The following ZNF674 variants were observed in gnomAD, a reference collection of about 807,000 sequenced individuals.
ZNF674 encodes the protein zinc finger family member 674.
Under a neutral mutation model 7.0 loss-of-function variants are expected in ZNF674, and 2 were observed. The observed-to-expected ratio is 0.29, with a 90% CI of 0.12 to 0.90. The LOEUF is 0.90. Among genes scored for constraint, ZNF674 ranks in the 40% least tolerant of loss-of-function variants. The probability of loss-of-function intolerance (pLI) is 0.57; values close to 1 mark genes in which losing one functional copy is unlikely to be tolerated. For missense variants in ZNF674, 297 were observed against 415.5 expected (o/e 0.71, Z 2.48); for synonymous variants, 103 against 145.2 (o/e 0.71, Z 2.09).
intron 3 of ZNF674, among the ~76,000 whole-genome samples, chrX:46,536,192 G>A (rs1942195124): frequency 8.9e-6 from 1 of 111,766 alleles, no homozygotes; most frequent in South Asian, 3.7e-4. Flanking sequence ...TGGCACAGTG[G>A]CTCACACCTG....
intron 5 of ZNF674, among the ~76,000 whole-genome samples, chrX:46,512,688 C>T (rs1310234039): frequency 2.8e-5 from 3 of 106,873 alleles, no homozygotes; most frequent in South Asian, 4.1e-4. Flanking sequence ...CACTTGAACC[C>T]GGGAGGCAGA....
chrX:46,520,945 G>C (rs897107813), intron 5 of ZNF674, among the ~76,000 whole-genome samples: 2 of 111,522 alleles, frequency 1.8e-5, no homozygotes, highest in African/African-American at 6.5e-5. Context: ...CCAGCACTTT[G>C]GGAGGCCGAG....
chrX:46,506,759 C>T (rs983066018), intron 5 of ZNF674, among the ~76,000 whole-genome samples: 4 of 111,468 alleles, frequency 3.6e-5, no homozygotes, highest in Admixed American at 1.9e-4. Context: ...TCCTTTCTTA[C>T]GAAAGTACTT....
chrX:46,529,854 C>T (rs1942079108), intron 3 of ZNF674, among the ~76,000 whole-genome samples: 1 of 111,303 alleles, frequency 9.0e-6, no homozygotes, highest in African/African-American at 3.3e-5. Flanking sequence ...CTGCTTAGCG[C>T]TGACAGAGCA....
In ZNF674 at chrX:46,497,879, C is replaced by G. The variant is rs1941353179; in HGVS notation, c.*1964G>C. ...TTCCCTCCACACTACACAGATATAC[C>G]TAACTTTTTGTTCCATGTGTTTATC... On this transcript the variant is annotated 3_prime_UTR_variant, in exon 6 of 6. Transcript: ENST00000683375. 2 of 105,032 alleles carry G rather than the reference C, an allele frequency of 1.9e-5. No individual in the cohort carries two copies. The highest frequency in any genetic ancestry group is 4.0e-5 in the Non-Finnish European group (2 of 49,884). The allele number at this position is 105,032 out of a possible 1,213,427, so 8.7% of individuals were successfully genotyped here.
chrX:46,519,499 T>C (rs1210178121), intron 5 of ZNF674, among the ~76,000 whole-genome samples: 1 of 107,767 alleles, frequency 9.3e-6, no homozygotes, highest in Non-Finnish European at 1.9e-5. Flanking sequence ...TCCCAGCTAC[T>C]TGGGAGGCTG....
At chrX:46,533,090 T>C (rs1485401857) in intron 3 of ZNF674, among the ~76,000 whole-genome samples, 1 of 111,648 alleles carries the variant, frequency 9.0e-6, no homozygotes, top group Admixed American at 9.6e-5. Flanking sequence ...GATTTCCAGC[T>C]ATTATTCCGG....
chrX:46,519,210 T>TTAGA (rs61702218), intron 5 of ZNF674, among the ~76,000 whole-genome samples: 7,159 of 74,303 alleles, frequency 0.096, 410 homozygotes, highest in East Asian at 0.14. Context: ...CTCAGATAGA[T>TTAGA]TAGATAGATA....
At chrX:46,510,069 C>T (rs774412975) in intron 5 of ZNF674, among the ~76,000 whole-genome samples, 1 of 98,267 alleles carries the variant, frequency 1.0e-5, no homozygotes, top group Admixed American at 1.3e-4. Flanking sequence ...TGTTCTCACT[C>T]ATAGGTGGGA....
At chrX:46,544,759 C>T (rs1942349438) in intron 1 of ZNF674, 148 bp from the exon 2 acceptor site, 1 of 112,094 alleles carries the variant, frequency 8.9e-6, no homozygotes, top group South Asian at 3.7e-4. Context: ...TCATGCACAG[C>T]TCAATTATCC....
At position 46,518,818 on chromosome X, in the gene ZNF674, G is replaced by A. The variant is rs190349966; in HGVS notation, c.238+9532C>T. Among the ~76,000 whole-genome samples the A allele has an allele frequency of 2.4e-3, 254 of 106,576 alleles. 2 individuals are homozygous for A. The highest frequency in any genetic ancestry group is 8.2e-3 in the African/African-American group (240 of 29,125). The allele number at this position is 106,576 out of a possible 115,157, so 92.5% of individuals were successfully genotyped here. On this transcript the variant is annotated intron_variant, in intron 5 of 5. Transcript: ENST00000683375. ...GGAGAATGGTGTGAACCCGGAAGGC[G>A]GAGTTTGCAGTGAGCTGAGATCGCA...
chrX:46,537,412 A>T (rs1942220131), intron 3 of ZNF674, among the ~76,000 whole-genome samples: 1 of 111,877 alleles, frequency 8.9e-6, no homozygotes. Flanking sequence ...TATATATATA[A>T]AACAAAAAAA....
At chrX:46,544,662 T>G (rs1942347534) in intron 1 of ZNF674, 51 bp from the exon 2 acceptor site, 1 of 112,396 alleles carries the variant, frequency 8.9e-6, no homozygotes, top group African/African-American at 3.2e-5. Flanking sequence ...CTATGCTCCC[T>G]TCCATGCAGT....
chrX:46,536,993 G>A (rs979526681), intron 3 of ZNF674, among the ~76,000 whole-genome samples: 4 of 111,991 alleles, frequency 3.6e-5, no homozygotes, highest in Non-Finnish European at 7.5e-5. Context: ...CACACAGGAC[G>A]GGTGTGGTGG....
intron 5 of ZNF674, among the ~76,000 whole-genome samples, chrX:46,514,740 C>G (rs1276779852): frequency 8.9e-6 from 1 of 112,123 alleles, no homozygotes; most frequent in Non-Finnish European, 1.9e-5. Context: ...CTCCTTCCTT[C>G]CTTCCTCACC....
At chrX:46,504,803 T>C (rs973294286) in intron 5 of ZNF674, among the ~76,000 whole-genome samples, 4 of 111,650 alleles carry the variant, frequency 3.6e-5, no homozygotes, top group African/African-American at 1.3e-4. Flanking sequence ...ATAAGAGGAA[T>C]AGGCCTCAGG....
intron 5 of ZNF674, among the ~76,000 whole-genome samples, chrX:46,511,543 A>G (rs1437201321): frequency 1.8e-5 from 2 of 112,321 alleles, no homozygotes; most frequent in African/African-American, 6.5e-5. Context: ...GGAAAATTCA[A>G]TAGTATAAAG....
chrX:46,513,361 C>A (rs987763802), intron 5 of ZNF674, among the ~76,000 whole-genome samples: 1 of 112,486 alleles, frequency 8.9e-6, no homozygotes, highest in African/African-American at 3.2e-5. Flanking sequence ...TAAATACTTT[C>A]AATAGTAATC....
In ZNF674 at chrX:46,500,561, G is replaced by A. The variant is rs61730637; in HGVS notation, c.1013C>T (p.Thr338Met). The A allele has an allele frequency of 5.9e-3, 7,196 of 1,209,660 alleles. 212 individuals carry two copies. In the African/African-American group the frequency reaches 0.1, roughly 17 times the overall value. Residue 338 changes from threonine (T) to methionine (M), a missense_variant, in exon 6 of 6, where the codon ACG becomes ATG. By Grantham distance (81) the Thr-to-Met change is moderately conservative. Coordinates refer to ENST00000683375, the MANE Select transcript of ZNF674 (RefSeq NM_001190417.2). ...AATTCTTTGATATATAAGGCTGGAC[G>A]TAGTACATTTAATACCTTTATAAAA... ...QAFYKGIKCTTSSLIYQRIHT... is the reference protein window; with the variant it reads ...QAFYKGIKCTMSSLIYQRIHT...
Sources: allele counts gnomAD v4.1 joint callset (sites outside exome capture counted in the v4.1 genomes callset), GRCh38; gene constraint gnomAD v4.1.1; transcripts MANE v1.5; gene names NCBI Gene and HGNC (gene_info 2026-07-23, HGNC 2026-07-21).